Variants in ACBD3 observed in about 807,000 individuals in gnomAD.
The protein encoded by ACBD3 is acyl-CoA binding domain containing 3.
Under a neutral mutation model 66.9 loss-of-function variants are expected in ACBD3, and 30 were observed. The ratio of observed to expected loss-of-function variants is 0.45; its 90% confidence interval spans 0.34 to 0.61. The LOEUF is 0.61. Among genes scored for constraint, ACBD3 ranks in the 20% least tolerant of loss-of-function variants. The pLI, the probability that ACBD3 is intolerant of heterozygous loss-of-function variation, is 0.02. For synonymous variants in ACBD3, 278 were observed against 259.8 expected, an observed-to-expected ratio of 1.07 and a Z score of -0.68; for missense variants, 544 against 664.5, an observed-to-expected ratio of 0.82 and a Z score of 1.99.
intron 1 of ACBD3, among the ~76,000 whole-genome samples, chr1:226,168,931 C>T (rs968820492): frequency 2.6e-5 from 4 of 151,996 alleles, no homozygotes; most frequent in Admixed American, 1.3e-4. Context: ...GGCACAATCT[C>T]GACTCACTGC....
intron 1 of ACBD3, among the ~76,000 whole-genome samples, chr1:226,171,527 A>G (rs761881193): frequency 6.6e-6 from 1 of 151,910 alleles, no homozygotes; most frequent in Non-Finnish European, 1.5e-5. Flanking sequence ...GTGCAAACTT[A>G]AAAAGTATAT....
At chr1:226,163,596 T>C (rs1205941669) in intron 3 of ACBD3, among the ~76,000 whole-genome samples, 2 of 152,312 alleles carry the variant, frequency 1.3e-5, no homozygotes, top group South Asian at 2.1e-4. Flanking sequence ...TAATGTTCCA[T>C]CTCTTGATAA....
At chr1:226,164,746 T>A (rs894285210) in intron 3 of ACBD3, 43 bp downstream of exon 3, 4 of 1,579,702 alleles carry the variant, frequency 2.5e-6, no homozygotes, top group Non-Finnish European at 2.6e-6. Flanking sequence ...ATCAGTACAC[T>A]GGGCTGCGCA....
intron 1 of ACBD3, among the ~76,000 whole-genome samples, chr1:226,178,574 CA>C (rs57231361): frequency 0.16 from 12,920 of 83,302 alleles, 665 homozygotes; most frequent in Middle Eastern, 0.26. Flanking sequence ...GACTCCGTCT[CA>C]AAAAAAAAAA....
chr1:226,186,304 CT>C, intron 1 of ACBD3, 85 bp downstream of exon 1: 1 of 1,413,960 alleles, frequency 7.1e-7, no homozygotes, highest in South Asian at 1.5e-5. Flanking sequence ...GAGGGCAAGT[CT>C]GGTCCAGTCA....
rs910257131 is a variant in ACBD3 at position 226,145,907 on chromosome 1, G to T, written c.*703C>A. 6.6e-6 allele frequency: 1 copy of T among 152,312 alleles called. No individual in the cohort carries two copies. Among genetic ancestry groups the T allele is most frequent in the Non-Finnish European group, 1.5e-5 (1 of 68,024 alleles). The allele number at this position is 152,312 out of a possible 1,614,324, so 9.4% of individuals were successfully genotyped here. On this transcript the variant is annotated 3_prime_UTR_variant, in exon 8 of 8. Transcript: ENST00000366812. ...GTATGAATACCAAATAAAGATACAA[G>T]GATTCAAAGTTTGTGGAAGTTCCTG...
intron 5 of ACBD3, among the ~76,000 whole-genome samples, chr1:226,157,706 ATT>A (rs908907038): frequency 2.0e-5 from 3 of 149,696 alleles, no homozygotes; most frequent in Non-Finnish European, 4.5e-5. Context: ...TGCCCAGCTA[ATT>A]TTTTTTTTCT....
chr1:226,168,818 G>A (rs529691750), intron 1 of ACBD3, among the ~76,000 whole-genome samples: 2 of 20,738 alleles, frequency 9.6e-5, no homozygotes, highest in African/African-American at 5.3e-4. Context: ...CTTACACTAC[G>A]TCACAGGTAA....
At chr1:226,162,177 A>T (rs2102780836) in intron 3 of ACBD3, among the ~76,000 whole-genome samples, 1 of 152,322 alleles carries the variant, frequency 6.6e-6, no homozygotes, top group South Asian at 2.1e-4. Context: ...AAACGTGTAC[A>T]GAAGTAAAAA....
At chr1:226,146,955 G>T in intron 7 of ACBD3, 134 bp from the exon 8 acceptor site, 1 of 818,930 alleles carries the variant, frequency 1.2e-6, no homozygotes, top group Non-Finnish European at 1.9e-6. Flanking sequence ...GCAGCGGCGT[G>T]ATCTCAGCTC....
intron 1 of ACBD3, among the ~76,000 whole-genome samples, 199 bp downstream of exon 1, chr1:226,186,191 C>A (rs1165927290): frequency 2.6e-5 from 4 of 152,194 alleles, no homozygotes; most frequent in Non-Finnish European, 5.9e-5. Context: ...AGGTTGCAGG[C>A]CCGTCAGGGG....
In ACBD3 at chr1:226,169,873, C is replaced by T. The variant is rs1041705289; in HGVS notation, c.287-3873G>A. Among the ~76,000 whole-genome samples, 85 of 151,742 alleles carry T rather than the reference C, an allele frequency of 5.6e-4. No individual in the cohort carries two copies. In the Middle Eastern group the frequency reaches 0.01, roughly 18 times the overall value. On this transcript the variant is annotated intron_variant, in intron 1 of 7. Coordinates refer to ENST00000366812, the MANE Select transcript of ACBD3 (RefSeq NM_022735.4). ...CCTCTCTCTACTAAAAATACAAAAA[C>T]TAGCTGGGTGTGGTGGTACAGCACA...
chr1:226,181,753 T>C (rs1057076139), intron 1 of ACBD3, among the ~76,000 whole-genome samples: 1 of 152,158 alleles, frequency 6.6e-6, no homozygotes, highest in African/African-American at 2.4e-5. Context: ...CTTAATGTAA[T>C]ACAGTAATAA....
Position 226,145,338 on chromosome 1 carries a change from T to C in ACBD3, c.*1272A>G, listed in dbSNP as rs1659426595. ...CAAGAAGTGATTTAGGATTTGAAAT[T>C]TTAAAAATCTAAGTACTTCAGTAAC... On this transcript the variant is annotated 3_prime_UTR_variant, in exon 8 of 8. Transcript: ENST00000366812. The C allele has an allele frequency of 6.6e-6, 1 of 152,508 alleles. No homozygotes were observed. The highest frequency in any genetic ancestry group is 2.4e-5 in the African/African-American group (1 of 41,450). 9.4% of individuals were successfully genotyped at this position (152,508 alleles called of 1,614,324 possible).
chr1:226,159,073 C>G lies in ACBD3; in HGVS notation c.903+111G>C, dbSNP rs75267544. On this transcript the variant is annotated intron_variant, in intron 5 of 7. Transcript: ENST00000366812. ...AAGATCACCCAAAAGTTACTTTACA[C>G]CTTAGAGGCTAACTAATGCAAAATT... 2.4e-6 allele frequency: 3 copies of G among 1,249,558 alleles called. No individual in the cohort carries two copies. The African/African-American group carries it at 4.5e-5, about 19-fold the overall frequency. 77.4% of individuals were successfully genotyped at this position (1,249,558 alleles called of 1,614,324 possible).
rs769843835 is a variant in ACBD3, at chr1:226,164,796, T to G, written c.562A>C (p.Lys188Gln). 11 of 1,608,998 alleles carry G rather than the reference T, an allele frequency of 6.8e-6. No homozygotes were observed. The highest frequency in any genetic ancestry group is 1.3e-5 in the African/African-American group (1 of 74,828). The change falls in exon 3 of 8, where the codon AAA becomes CAA. Residue 188 changes from lysine to glutamine, a missense_variant. Lys to Gln is a moderately conservative substitution (Grantham distance 53). Coordinates refer to ENST00000366812, the MANE Select transcript of ACBD3 (RefSeq NM_022735.4). The part of the protein sequence containing the change: ...SHKIEKEEQE[K>Q]KRKEEEERRR... ...CATGCCCTCAAACTTCACCTTTTTTTTTCTTGCTCTTCCTTCTCTATTTTG... is the reference window on the plus strand; with the variant it reads ...CATGCCCTCAAACTTCACCTTTTTTGTTCTTGCTCTTCCTTCTCTATTTTG...
chr1:226,167,422 T>C (rs964802455), intron 1 of ACBD3, among the ~76,000 whole-genome samples: 7 of 152,236 alleles, frequency 4.6e-5, no homozygotes, highest in African/African-American at 1.7e-4. Flanking sequence ...ATTATTATTA[T>C]TACTAACTTA....
chr1:226,169,939 C>T (rs1659959045), intron 1 of ACBD3, among the ~76,000 whole-genome samples: 1 of 148,760 alleles, frequency 6.7e-6, no homozygotes, highest in Admixed American at 6.8e-5. Flanking sequence ...GCAGGAGAAT[C>T]GCTTGAACGA....
At chr1:226,178,225 A>G (rs1302463646) in intron 1 of ACBD3, among the ~76,000 whole-genome samples, 1 of 152,078 alleles carries the variant, frequency 6.6e-6, no homozygotes, top group Admixed American at 6.6e-5. Context: ...ACCAAGTCCA[A>G]AGCTCTGAAA....
Sources: gnomAD v4.1 joint callset for allele counts (sites outside exome capture counted in the v4.1 genomes callset) on GRCh38, gnomAD v4.1.1 for gene constraint, MANE v1.5 for transcripts, NCBI Gene and HGNC (gene_info 2026-07-23, HGNC 2026-07-21) for gene names.